NIPAL2: variants seen among roughly 807,000 people sequenced by gnomAD.
NIPAL2 encodes the protein NIPA like domain containing 2.
A neutral mutation model predicts 48.9 loss-of-function variants in NIPAL2; 43 were observed. That is an observed-to-expected ratio of 0.88 (90% CI 0.69 to 1.13). The LOEUF (loss-of-function observed/expected upper bound fraction) is 1.13. Among genes scored for constraint, NIPAL2 ranks in the 50% most tolerant of loss-of-function variants. The pLI is 0.00. For missense variants in NIPAL2, 446 were observed against 461.4 expected (o/e 0.97, Z 0.31); for synonymous variants, 167 against 174.6 (o/e 0.96, Z 0.34).
chr8:98,214,799 G>C (rs985511542), intron 5 of NIPAL2, among the ~76,000 whole-genome samples: 5 of 152,026 alleles, frequency 3.3e-5, no homozygotes, highest in African/African-American at 2.4e-5. Flanking sequence ...TCTTCTCCGG[G>C]TAAATTAAAC....
chr8:98,206,542 T>C (rs758316263), intron 6 of NIPAL2, among the ~76,000 whole-genome samples: 1 of 152,004 alleles, frequency 6.6e-6, no homozygotes, highest in Admixed American at 6.6e-5. Context: ...ATCCCAGCAC[T>C]TTGGGAGGCC....
At chr8:98,268,105 G>T (rs1473721836) in intron 1 of NIPAL2, among the ~76,000 whole-genome samples, 1 of 152,124 alleles carries the variant, frequency 6.6e-6, no homozygotes, top group Admixed American at 6.5e-5. Flanking sequence ...GAAACAAGTG[G>T]GCAGAGATAA....
chr8:98,250,965 C>T (rs554233377), intron 3 of NIPAL2, among the ~76,000 whole-genome samples: 1 of 152,248 alleles, frequency 6.6e-6, no homozygotes, highest in South Asian at 2.1e-4. Flanking sequence ...CTGGCTATAT[C>T]GCATTTCTGT....
In NIPAL2 at chr8:98,206,316, G is replaced by GTGTATATATATA. The variant is rs138475191; in HGVS notation, c.656-1071_656-1070insTATATATATACA. 1.3e-4 allele frequency among the ~76,000 whole-genome samples: 19 copies of GTGTATATATATA among 147,674 alleles called. No homozygotes were observed. The South Asian group carries it at 3.4e-3, about 26-fold the overall frequency. ...AGGTATTTTATGTATGTGTGTGTGT[G>GTGTATATATATA]TATATATATATATGTATGTATGTAT... On this transcript the variant is annotated intron_variant, in intron 6 of 10. Transcript: ENST00000430223.
At chr8:98,252,749 ATT>A in intron 2 of NIPAL2, 115 bp from the exon 3 acceptor site, 1 of 875,358 alleles carries the variant, frequency 1.1e-6, no homozygotes, top group Non-Finnish European at 1.7e-6. Context: ...TTATTTTTGT[ATT>A]TTTTTTTAAG....
intron 3 of NIPAL2, among the ~76,000 whole-genome samples, chr8:98,247,386 A>G (rs530523448): frequency 3.0e-4 from 45 of 152,200 alleles, no homozygotes; most frequent in Non-Finnish European, 3.8e-4. Context: ...TTAAATGGTG[A>G]GGAAGGACAT....
chr8:98,281,656 A>G (rs1156340535), intron 1 of NIPAL2, among the ~76,000 whole-genome samples: 1 of 152,210 alleles, frequency 6.6e-6, no homozygotes. Flanking sequence ...AAAAATTTTA[A>G]AAGGGAAGCT....
chr8:98,191,763 T>A lies in NIPAL2; in HGVS notation c.*1215A>T, dbSNP rs1367498968. 1 of 152,230 alleles carries A rather than the reference T, an allele frequency of 6.6e-6. No individual in the cohort carries two copies. Among genetic ancestry groups the A allele is most frequent in the Non-Finnish European group, 1.5e-5 (1 of 68,046 alleles). The allele number at this position is 152,230 out of a possible 1,614,324, so 9.4% of individuals were successfully genotyped here. Reference sequence around the variant, plus strand: ...AGATCATAAATAACAGATATTATTATGGATTCTACCTGCAAATGTGTCTTA... The same window carrying A: ...AGATCATAAATAACAGATATTATTAAGGATTCTACCTGCAAATGTGTCTTA... On this transcript the variant is annotated 3_prime_UTR_variant, in exon 11 of 11. Transcript: ENST00000430223.
chr8:98,194,874 G>T, intron 9 of NIPAL2, 52 bp from the exon 10 acceptor site: 1 of 1,083,174 alleles, frequency 9.2e-7, no homozygotes, highest in Non-Finnish European at 1.3e-6. Flanking sequence ...CAGACTCATG[G>T]TATTAAATAA....
chr8:98,260,520 C>G (rs1214570311), intron 1 of NIPAL2, among the ~76,000 whole-genome samples: 1 of 152,108 alleles, frequency 6.6e-6, no homozygotes, highest in African/African-American at 2.4e-5. Context: ...GGGTGACGGA[C>G]GGCACCTGGA....
At chr8:98,249,478 C>CATATGTCATATATGACAT in intron 3 of NIPAL2, among the ~76,000 whole-genome samples, 1 of 151,680 alleles carries the variant, frequency 6.6e-6, no homozygotes, top group South Asian at 2.1e-4. Context: ...ATATGTCAGA[C>CATATGTCATATATGACAT]ATATGTCATA....
rs751886948 is a variant in NIPAL2 at position 98,252,578 on chromosome 8, A to C, written c.261T>G (p.Ser87Arg). The change falls in exon 3 of 11, where the codon AGT becomes AGG. Residue 87 changes from serine (S) to arginine (R), a missense_variant. Coordinates refer to ENST00000430223, the MANE Select transcript of NIPAL2 (RefSeq NM_001321635.2). ...QQEHPRPYFK[S>R]VLWWGGVLLM... ...GCAGGACACCACCCCACCACAGCAC[A>C]CTCTTGAAGTATGGCCTTGGGTGCT... The C allele has an allele frequency of 3.7e-6, 6 of 1,613,790 alleles. No homozygotes were observed. In the Admixed American group the frequency reaches 1.0e-4, roughly 27 times the overall value.
At chr8:98,270,570 T>C (rs1165809035) in intron 1 of NIPAL2, among the ~76,000 whole-genome samples, 3 of 152,044 alleles carry the variant, frequency 2.0e-5, no homozygotes, top group African/African-American at 7.2e-5. Flanking sequence ...CTTATAGATT[T>C]TGGATATTAG....
At chr8:98,249,634 T>A (rs954522764) in intron 3 of NIPAL2, among the ~76,000 whole-genome samples, 6 of 147,606 alleles carry the variant, frequency 4.1e-5, no homozygotes, top group Admixed American at 1.4e-4. Flanking sequence ...CATAATACAA[T>A]TTAATATAAT....
chr8:98,212,427 C>A lies in NIPAL2; in HGVS notation c.633G>T (p.Leu211=). The A allele has an allele frequency of 1.3e-6, 2 of 1,588,302 alleles. No individual in the cohort carries two copies. The highest frequency in any genetic ancestry group is 2.2e-5 in the South Asian group (2 of 90,344). The change falls in exon 6 of 11, where the codon CTG becomes CTT. Residue 211 remains leucine (L), a synonymous_variant. Transcript: ENST00000430223. ...KRKGMKHMVI[L]LTLVAILASL... The stretch of plus-strand genomic sequence containing the variant: ...TACCTAGAATTGCCACCAGGGTTAG[C>A]AGAATCACCATATGCTTCATTCCTT...
At chr8:98,244,621 G>C (rs1163526120) in intron 3 of NIPAL2, among the ~76,000 whole-genome samples, 1 of 147,972 alleles carries the variant, frequency 6.8e-6, no homozygotes, top group Non-Finnish European at 1.5e-5. Flanking sequence ...GTGGGCTGTG[G>C]TGATGGGGGG....
At chr8:98,237,337 C>G (rs1301137960) in intron 3 of NIPAL2, among the ~76,000 whole-genome samples, 1 of 152,080 alleles carries the variant, frequency 6.6e-6, no homozygotes, top group African/African-American at 2.4e-5. Flanking sequence ...CAGGCGTAAT[C>G]CACCGCAACC....
At chr8:98,293,921 C>G in intron 1 of NIPAL2, 82 bp downstream of exon 1, 1 of 1,255,664 alleles carries the variant, frequency 8.0e-7, no homozygotes, top group Non-Finnish European at 1.0e-6. Flanking sequence ...GGCAGGAAAG[C>G]GGCCGAGGCG....
intron 1 of NIPAL2, among the ~76,000 whole-genome samples, chr8:98,273,421 A>G (rs1338386187): frequency 1.3e-5 from 2 of 152,116 alleles, no homozygotes; most frequent in African/African-American, 4.8e-5. Context: ...GAGGTGATAA[A>G]ATGTTCTAAA....
Sources: gnomAD v4.1 joint callset for allele counts (sites outside exome capture counted in the v4.1 genomes callset) on GRCh38, gnomAD v4.1.1 for gene constraint, MANE v1.5 for transcripts, NCBI Gene and HGNC (gene_info 2026-07-23, HGNC 2026-07-21) for gene names.